AGMO: variants seen among roughly 807,000 people sequenced by gnomAD.
AGMO encodes the protein alkylglycerol monooxygenase.
A neutral mutation model predicts 60.2 loss-of-function variants in AGMO; 75 were observed. The ratio of observed to expected loss-of-function variants is 1.25; its 90% CI spans 1.03 to 1.51. AGMO has a LOEUF of 1.51. Among genes scored for constraint, AGMO ranks in the 40% most tolerant of loss-of-function variants. The pLI, the probability that AGMO is intolerant of heterozygous loss-of-function variation, is 0.00. For missense variants in AGMO, 763 were observed against 525.5 expected (o/e 1.45, Z -4.42); for synonymous variants, 261 against 177.1 (o/e 1.47, Z -3.76).
intron 12 of AGMO, among the ~76,000 whole-genome samples, chr7:15,225,731 T>C (rs1256649450): frequency 1.3e-5 from 2 of 152,050 alleles, no homozygotes; most frequent in Non-Finnish European, 2.9e-5. Flanking sequence ...AGGTCATTTC[T>C]TGCTCATAAG....
At chr7:15,455,229 G>A (rs1047843978) in intron 3 of AGMO, among the ~76,000 whole-genome samples, 1 of 152,004 alleles carries the variant, frequency 6.6e-6, no homozygotes, top group African/African-American at 2.4e-5. Context: ...GAGCTATGCA[G>A]CACGTTATGA....
the AGMO span, among the ~76,000 whole-genome samples, chr7:15,131,787 C>CACAA: frequency 6.6e-6 from 1 of 150,846 alleles, no homozygotes; most frequent in Non-Finnish European, 1.5e-5. Flanking sequence ...CACACACACA[C>CACAA]ACAAACAAGG....
At chr7:15,325,243 G>A (rs1454710240) in intron 12 of AGMO, among the ~76,000 whole-genome samples, 1 of 151,896 alleles carries the variant, frequency 6.6e-6, no homozygotes, top group Non-Finnish European at 1.5e-5. Context: ...TATCTGCATC[G>A]TGACTTTACT....
At chr7:15,189,042 A>G in the AGMO span, among the ~76,000 whole-genome samples, 4 of 152,190 alleles carry the variant, frequency 2.6e-5, no homozygotes, top group African/African-American at 9.6e-5. Flanking sequence ...ATGAAGAAAT[A>G]GTCTTTTAAA....
intron 12 of AGMO, among the ~76,000 whole-genome samples, chr7:15,322,545 TAA>T (rs1221716471): frequency 2.1e-3 from 116 of 55,204 alleles, no homozygotes; most frequent in African/African-American, 5.8e-3. Context: ...AATATATATA[TAA>T]ATATATATAA....
At chr7:15,121,297 T>G in the AGMO span, among the ~76,000 whole-genome samples, 1 of 152,198 alleles carries the variant, frequency 6.6e-6, no homozygotes, top group South Asian at 2.1e-4. Context: ...TGCATGTGTC[T>G]TTATAGTAGA....
chr7:15,288,143 C>T (rs955483596), intron 12 of AGMO, among the ~76,000 whole-genome samples: 1 of 152,018 alleles, frequency 6.6e-6, no homozygotes, highest in Non-Finnish European at 1.5e-5. Context: ...CCTGCCTTGG[C>T]CTCCTGAGTA....
intron 12 of AGMO, among the ~76,000 whole-genome samples, chr7:15,259,899 C>CA (rs71549927): frequency 0.016 from 152 of 9,410 alleles, 46 homozygotes; most frequent in African/African-American, 0.039. Flanking sequence ...ACAAGAACTG[C>CA]AAAAAAAAAA....
chr7:15,299,826 T>TACATACAC (rs1239182050), intron 12 of AGMO, among the ~76,000 whole-genome samples: 7 of 50,400 alleles, frequency 1.4e-4, no homozygotes, highest in East Asian at 6.8e-4. Flanking sequence ...AGACTCTGTC[T>TACATACAC]ACATACACAC....
At chr7:15,196,255 A>T (rs1781112910), downstream of AGMO, among the ~76,000 whole-genome samples, 1 of 151,494 alleles carries the variant, frequency 6.6e-6, no homozygotes, top group Non-Finnish European at 1.5e-5. Context: ...CACCATATTG[A>T]TCAGGCTGGT....
rs538381567 is a variant in AGMO, at chr7:15,498,016, C to CTTTGTATACTA, written c.409+46755_409+46756insTAGTATACAAA. ...GACTCTTCAAGTTATACTATGTATA[C>CTTTGTATACTA]TGCACCCACAACACACACGATAATT... On this transcript the variant is annotated intron_variant, in intron 3 of 12. Coordinates refer to ENST00000342526, the MANE Select transcript of AGMO (RefSeq NM_001004320.2). Among the ~76,000 whole-genome samples, 461 of 152,134 alleles carry CTTTGTATACTA rather than the reference C, an allele frequency of 3.0e-3. 2 individuals carry two copies. Among genetic ancestry groups the CTTTGTATACTA allele is most frequent in the African/African-American group, 0.011 (443 of 41,560 alleles).
chr7:15,488,217 TAC>T (rs775542615), intron 3 of AGMO, among the ~76,000 whole-genome samples: 1 of 152,210 alleles, frequency 6.6e-6, no homozygotes, highest in Non-Finnish European at 1.5e-5. Flanking sequence ...TTCTGAATAT[TAC>T]ACACCTAGTG....
chr7:15,518,510 T>G (rs943586634), intron 3 of AGMO, among the ~76,000 whole-genome samples: 7 of 152,130 alleles, frequency 4.6e-5, no homozygotes, highest in African/African-American at 1.4e-4. Context: ...CAGCCTCCAC[T>G]TGTGATACTC....
At chr7:15,482,826 G>A (rs953525355) in intron 3 of AGMO, among the ~76,000 whole-genome samples, 1 of 152,118 alleles carries the variant, frequency 6.6e-6, no homozygotes, top group Non-Finnish European at 1.5e-5. Flanking sequence ...TTTGGTTAAT[G>A]TTAGAGAAAT....
the AGMO span, among the ~76,000 whole-genome samples, chr7:15,176,377 A>T: frequency 6.6e-6 from 1 of 151,844 alleles, no homozygotes; most frequent in African/African-American, 2.4e-5. Context: ...AATATGCCAA[A>T]TTTTTAGGAT....
chr7:15,432,351 C>T (rs4719448), intron 3 of AGMO, among the ~76,000 whole-genome samples: 7 of 70,904 alleles, frequency 9.9e-5, no homozygotes, highest in Non-Finnish European at 1.8e-4. Context: ...TATATACATA[C>T]ATATATATAT....
intron 12 of AGMO, among the ~76,000 whole-genome samples, chr7:15,230,170 C>T (rs1320015209): frequency 6.6e-6 from 1 of 151,966 alleles, no homozygotes; most frequent in African/African-American, 2.4e-5. Flanking sequence ...TAAGAAGAAA[C>T]AGTAATACCA....
At chr7:15,218,318 G>GGTGTGTGTGT (rs1352965136) in intron 12 of AGMO, among the ~76,000 whole-genome samples, 2 of 108,152 alleles carry the variant, frequency 1.8e-5, no homozygotes, top group Admixed American at 1.0e-4. Flanking sequence ...TATTGACTAT[G>GGTGTGTGTGT]GTGTGTGTAT....
intron 12 of AGMO, among the ~76,000 whole-genome samples, chr7:15,277,963 G>C (rs772615639): frequency 6.6e-6 from 1 of 152,178 alleles, no homozygotes; most frequent in Non-Finnish European, 1.5e-5. Context: ...GGTCTCTGTG[G>C]AGGTGAGGGG....
Sources: gnomAD v4.1 joint callset for allele counts (sites outside exome capture counted in the v4.1 genomes callset) on GRCh38, gnomAD v4.1.1 for gene constraint, MANE v1.5 for transcripts, NCBI Gene and HGNC (gene_info 2026-07-23, HGNC 2026-07-21) for gene names.